Variants in MGAT4C observed in about 807,000 individuals in gnomAD.
MGAT4C encodes the protein MGAT4 family member C, also known as alpha-1,3-mannosyl-glycoprotein 4-beta-N-acetylglucosaminyltransferase C.
Under a neutral mutation model 40.1 loss-of-function variants are expected in MGAT4C, and 19 were observed. That is an observed-to-expected ratio of 0.47 (90% CI 0.33 to 0.70). The LOEUF (loss-of-function observed/expected upper bound fraction) is 0.70, where lower values mean the gene tolerates loss of function less well. Among genes scored for constraint, MGAT4C ranks in the 30% least tolerant of loss-of-function variants. The pLI is 0.02. For synonymous variants in MGAT4C, 181 were observed against 187.1 expected, an observed-to-expected ratio of 0.97 and a Z score of 0.27; for missense variants, 491 against 563.2, an observed-to-expected ratio of 0.87 and a Z score of 1.30.
At chr12:86,052,181 T>C (rs1009456693) in intron 1 of MGAT4C, among the ~76,000 whole-genome samples, 1 of 151,700 alleles carries the variant, frequency 6.6e-6, no homozygotes, top group African/African-American at 2.4e-5. Flanking sequence ...TTTGTTTCTG[T>C]GTAAAATGAA....
At chr12:86,045,951 G>A (rs886092110) in intron 2 of MGAT4C, among the ~76,000 whole-genome samples, 1 of 152,112 alleles carries the variant, frequency 6.6e-6, no homozygotes, top group African/African-American at 2.4e-5. Context: ...TGTCTCTCAA[G>A]GTCTGGTTAT....
intron 3 of MGAT4C, among the ~76,000 whole-genome samples, chr12:86,400,606 A>G (rs1956338613): frequency 6.6e-6 from 1 of 152,238 alleles, no homozygotes; most frequent in South Asian, 2.1e-4. Flanking sequence ...CTTTGAACTG[A>G]GCTTTCATAT....
rs1883198544 is a variant in MGAT4C at position 85,963,137 on chromosome 12, G to T, written c.*16152C>A. On this transcript the variant is annotated 3_prime_UTR_variant, in exon 5 of 5. Transcript: ENST00000611864. The stretch of plus-strand genomic sequence containing the variant: ...TCTGGTTTATAAGGAACTTTTACTA[G>T]TTTAATTACTTGGGTGCTTTAAATG... 6.6e-6 allele frequency: 1 copy of T among 151,784 alleles called. No individual in the cohort carries two copies. The highest frequency in any genetic ancestry group is 2.4e-5 in the African/African-American group (1 of 41,392). 9.4% of individuals were successfully genotyped at this position (151,784 alleles called of 1,614,324 possible). A position where few individuals can be genotyped will look rare whatever the true frequency, so the allele number is the denominator to read the frequency against.
At chr12:86,751,239 G>C (rs902154665) in intron 1 of MGAT4C, among the ~76,000 whole-genome samples, 2 of 152,022 alleles carry the variant, frequency 1.3e-5, no homozygotes, top group Admixed American at 6.6e-5. Context: ...GGTTACTGCA[G>C]TGTTTCAGTT....
At chr12:86,093,867 T>C (rs1310481836) in intron 1 of MGAT4C, among the ~76,000 whole-genome samples, 1 of 152,172 alleles carries the variant, frequency 6.6e-6, no homozygotes, top group Admixed American at 6.5e-5. Flanking sequence ...AATGTAGTCT[T>C]AAATTCCTTG....
At chr12:86,313,092 A>T (rs933456218) in intron 4 of MGAT4C, among the ~76,000 whole-genome samples, 1 of 152,220 alleles carries the variant, frequency 6.6e-6, no homozygotes, top group Admixed American at 6.5e-5. Context: ...GATAATCAAC[A>T]GTTAGCAAAA....
At chr12:86,709,387 A>T (rs1275408608) in intron 2 of MGAT4C, among the ~76,000 whole-genome samples, 4 of 152,178 alleles carry the variant, frequency 2.6e-5, no homozygotes, top group Admixed American at 2.6e-4. Flanking sequence ...AAAATGTACT[A>T]ATACAAATCT....
At chr12:86,536,982 T>C (rs552362764) in intron 2 of MGAT4C, among the ~76,000 whole-genome samples, 4 of 152,086 alleles carry the variant, frequency 2.6e-5, no homozygotes, top group Non-Finnish European at 2.9e-5. Context: ...TGTCCAACAA[T>C]GACAGATGGG....
intron 1 of MGAT4C, among the ~76,000 whole-genome samples, chr12:86,053,629 G>A (rs950457087): frequency 6.6e-6 from 1 of 151,724 alleles, no homozygotes; most frequent in Admixed American, 6.6e-5. Flanking sequence ...AGAAACAATG[G>A]ATAAAACAAA....
At chr12:86,563,628 T>C (rs1215446151) in intron 2 of MGAT4C, among the ~76,000 whole-genome samples, 10 of 152,282 alleles carry the variant, frequency 6.6e-5, no homozygotes, top group African/African-American at 2.2e-4. Flanking sequence ...CTTTCTCCCA[T>C]CCTTCCCCAA....
At chr12:86,538,875 G>T (rs969202941) in intron 2 of MGAT4C, among the ~76,000 whole-genome samples, 1 of 152,028 alleles carries the variant, frequency 6.6e-6, no homozygotes, top group Non-Finnish European at 1.5e-5. Flanking sequence ...CCAAAGTACT[G>T]GGATTACAGG....
chr12:86,280,185 T>C (rs1953180245), intron 4 of MGAT4C, among the ~76,000 whole-genome samples: 1 of 151,632 alleles, frequency 6.6e-6, no homozygotes, highest in African/African-American at 2.4e-5. Flanking sequence ...TTAAGTTCAA[T>C]TTTTTTGTTG....
intron 1 of MGAT4C, among the ~76,000 whole-genome samples, chr12:86,137,350 C>T (rs185725354): frequency 1.2e-4 from 18 of 152,278 alleles, no homozygotes; most frequent in Admixed American, 1.0e-3. Flanking sequence ...TGCACTTTTG[C>T]AACAGCTTCC....
At chr12:86,533,930 T>C (rs1959028044) in intron 2 of MGAT4C, among the ~76,000 whole-genome samples, 1 of 152,024 alleles carries the variant, frequency 6.6e-6, no homozygotes, top group South Asian at 2.1e-4. Context: ...AGACTCTTTG[T>C]AGCAATAAGA....
chr12:86,461,938 A>G (rs1400115533), intron 2 of MGAT4C, among the ~76,000 whole-genome samples: 1 of 152,198 alleles, frequency 6.6e-6, no homozygotes, highest in African/African-American at 2.4e-5. Flanking sequence ...TTTTTGTAAC[A>G]TAAGGGAGCC....
intron 2 of MGAT4C, among the ~76,000 whole-genome samples, chr12:86,681,569 A>G (rs1217930843): frequency 6.6e-6 from 1 of 151,886 alleles, no homozygotes; most frequent in Non-Finnish European, 1.5e-5. Context: ...AGTTGCTTAG[A>G]GCAAAAAGAA....
chr12:86,340,172 G>A (rs180803287), intron 3 of MGAT4C, among the ~76,000 whole-genome samples: 36 of 152,216 alleles, frequency 2.4e-4, no homozygotes, highest in African/African-American at 8.4e-4. Context: ...CTTTATTTCA[G>A]TCAGATATTA....
intron 2 of MGAT4C, among the ~76,000 whole-genome samples, chr12:86,533,746 C>T (rs1959022943): frequency 6.6e-6 from 1 of 151,430 alleles, no homozygotes; most frequent in Non-Finnish European, 1.5e-5. Context: ...GACTGATGGA[C>T]CCCCCTTTAG....
intron 1 of MGAT4C, among the ~76,000 whole-genome samples, chr12:86,089,802 T>C (rs925965967): frequency 2.0e-5 from 3 of 151,810 alleles, no homozygotes; most frequent in African/African-American, 7.2e-5. Flanking sequence ...TTTGTATTTG[T>C]TTAGTCAAAA....
Sources: allele counts gnomAD v4.1 joint callset (sites outside exome capture counted in the v4.1 genomes callset), GRCh38; gene constraint gnomAD v4.1.1; transcripts MANE v1.5; gene names NCBI Gene and HGNC (gene_info 2026-07-23, HGNC 2026-07-21).